The following ATXN7L3 variants were observed in gnomAD, a reference collection of about 807,000 sequenced individuals.
ATXN7L3 encodes the protein ataxin 7 like 3.
In ATXN7L3, 6 loss-of-function variants were observed where a neutral mutation model predicts 50.0. The observed-to-expected ratio is 0.12, with a 90% CI of 0.07 to 0.24. ATXN7L3 has a LOEUF of 0.24. Ranked by LOEUF, ATXN7L3 falls within the 10% of genes least tolerant of loss-of-function variation. The pLI, the probability that ATXN7L3 is intolerant of heterozygous loss-of-function variation, is 1.00. For missense variants in ATXN7L3, 322 were observed against 451.3 expected (o/e 0.71, Z 2.60); for synonymous variants, 198 against 165.8 (o/e 1.19, Z -1.49).
At chr17:44,194,734 C>G (rs779936033) in intron 11 of ATXN7L3, 34 bp downstream of exon 11, 1 of 1,613,796 alleles carries the variant, frequency 6.2e-7, no homozygotes, top group East Asian at 2.2e-5. Flanking sequence ...CCTAACTGGT[C>G]ACAACCCCCC....
intron 6 of ATXN7L3, 133 bp downstream of exon 6, chr17:44,196,263 C>T (rs1337762752): frequency 7.8e-5 from 90 of 1,156,956 alleles, no homozygotes; most frequent in Non-Finnish European, 1.1e-4. Flanking sequence ...TCCCCCGCCC[C>T]GGACCCACCA....
In ATXN7L3 at chr17:44,194,054, G is replaced by A; in HGVS notation, c.*209C>T. ...TATGTCCAAGGCATAATATGTCCAG[G>A]TCTGAGTCCTGCACGCCGAGGAGTC... On this transcript the variant is annotated 3_prime_UTR_variant, in exon 13 of 13. Transcript: ENST00000587097. 1 of 624,566 alleles carries A rather than the reference G, an allele frequency of 1.6e-6. No individual in the cohort carries two copies. The highest frequency in any genetic ancestry group is 2.0e-5 in the South Asian group (1 of 49,766). The allele number at this position is 624,566 out of a possible 1,614,324, so 38.7% of individuals were successfully genotyped here. A position where few individuals can be genotyped will look rare whatever the true frequency, so the allele number is the denominator to read the frequency against.
At chr17:44,197,074 G>T in intron 4 of ATXN7L3, 48 bp from the exon 5 acceptor site, 1 of 1,569,964 alleles carries the variant, frequency 6.4e-7, no homozygotes, top group Admixed American at 1.7e-5. Context: ...GGAAGAGAAA[G>T]GGGTCAAGGT....
intron 9 of ATXN7L3, 85 bp from the exon 10 acceptor site, chr17:44,195,225 A>G (rs1477255319): frequency 1.4e-5 from 21 of 1,490,610 alleles, no homozygotes; most frequent in Non-Finnish European, 1.9e-5. Flanking sequence ...AATGCTAGAT[A>G]GCACAAGCAG....
chr17:44,196,222 G>GCCCAGCCCC, intron 6 of ATXN7L3, 143 bp from the exon 7 acceptor site: 2 of 925,714 alleles, frequency 2.2e-6, no homozygotes, highest in Non-Finnish European at 3.3e-6. Context: ...CTACCCATGT[G>GCCCAGCCCC]CCCTCCCCCA....
chr17:44,193,187 A>C lies in ATXN7L3; in HGVS notation c.*1076T>G, dbSNP rs2055757819. Reference sequence around the variant, plus strand: ...AGATTAGGATTTTCCTCAGAGCCCCAAACCACAAGTACAGAATAAATAACT... The same window carrying C: ...AGATTAGGATTTTCCTCAGAGCCCCCAACCACAAGTACAGAATAAATAACT... On this transcript the variant is annotated 3_prime_UTR_variant, in exon 13 of 13. Transcript: ENST00000587097. The C allele has an allele frequency of 6.6e-6, 1 of 152,272 alleles. No homozygotes were observed. The highest frequency in any genetic ancestry group is 1.5e-5 in the Non-Finnish European group (1 of 68,074). The allele number at this position is 152,272 out of a possible 1,614,324, so 9.4% of individuals were successfully genotyped here. A position where few individuals can be genotyped will look rare whatever the true frequency, so the allele number is the denominator to read the frequency against.
At chr17:44,198,259 C>A in intron 1 of ATXN7L3, 129 bp from the exon 2 acceptor site, 1 of 595,134 alleles carries the variant, frequency 1.7e-6, no homozygotes. Flanking sequence ...AAGGCCCAGG[C>A]TCCCTAAGTC....
intron 10 of ATXN7L3, 91 bp downstream of exon 10, chr17:44,195,006 C>A: frequency 6.6e-7 from 1 of 1,515,948 alleles, no homozygotes; most frequent in Non-Finnish European, 9.1e-7. Flanking sequence ...AGGGCAGGAG[C>A]CCCATTGCTC....
Position 44,194,626 on chromosome 17 carries a change from C to T in ATXN7L3, c.786G>A (p.Met262Ile), listed in dbSNP as rs2055816528. 2 of 1,613,960 alleles carry T rather than the reference C, an allele frequency of 1.2e-6. No individual in the cohort carries two copies. Among genetic ancestry groups the T allele is most frequent in the Non-Finnish European group, 1.7e-6 (2 of 1,180,018 alleles). The change falls in exon 12 of 13, where the codon ATG becomes ATA. Residue 262 changes from methionine to isoleucine, a missense_variant. By Grantham distance (10) the Met-to-Ile change is conservative (BLOSUM62 1). This residue lies in a region of ATXN7L3 where 122 missense variants were observed against 130.8 expected (regional missense o/e 0.93). Coordinates refer to ENST00000587097, the MANE Select transcript of ATXN7L3 (RefSeq NM_001382309.1). ...GGCTGATCAGGGCCTGGCTGTCAGTCATGTCAAAGCTGTCATTATCCAGGG... is the reference window on the plus strand; with the variant it reads ...GGCTGATCAGGGCCTGGCTGTCAGTTATGTCAAAGCTGTCATTATCCAGGG... ...ESSLDNDSFD[M>I]TDSQALISRL... is the part of the protein sequence containing the mutation.
Position 44,194,677 on chromosome 17 carries a change from G to A in ATXN7L3, c.738-3C>T, listed in dbSNP as rs115905790. 2.4e-3 allele frequency: 3,895 copies of A among 1,613,996 alleles called. 21 individuals carry two copies. Among genetic ancestry groups the A allele is most frequent in the African/African-American group, 0.012 (929 of 75,032 alleles). On this transcript the variant is annotated splice_region_variant and splice_polypyrimidine_tract_variant and intron_variant, in intron 11 of 12. Coordinates refer to ENST00000587097, the MANE Select transcript of ATXN7L3 (RefSeq NM_001382309.1). ...AGCTCTCGACCTCTGGAAGGACACT[G>A]GAAAGGGGATGAGCCAAAGAAGGGC...
chr17:44,194,486 A>G, intron 12 of ATXN7L3, 31 bp downstream of exon 12: 1 of 1,613,106 alleles, frequency 6.2e-7, no homozygotes, highest in South Asian at 1.1e-5. Context: ...CTTTGGGCAC[A>G]GAGCCCCTAG....
chr17:44,194,302 C>G lies in ATXN7L3; in HGVS notation c.1005G>C (p.Pro335=). 1 of 1,614,212 alleles carries G rather than the reference C, an allele frequency of 6.2e-7. No homozygotes were observed. The highest frequency in any genetic ancestry group is 8.5e-7 in the Non-Finnish European group (1 of 1,180,032). Residue 335 remains proline, a synonymous_variant, in exon 13 of 13, where the codon CCG becomes CCC. Transcript: ENST00000587097. ...GSNKKKKPKP[P]APPTPSIYDD... is the part of the protein sequence containing the mutation. The stretch of plus-strand genomic sequence containing the variant: ...CATAGATGCTGGGCGTCGGGGGTGC[C>G]GGTGGCTTTGGCTTCTTCTTCTTGT...
Position 44,197,680 on chromosome 17 carries a change from T to C in ATXN7L3, c.102A>G (p.Gly34=). The change falls in exon 3 of 13, where the codon GGA becomes GGG. Residue 34 remains glycine, a synonymous_variant. Coordinates refer to ENST00000587097, the MANE Select transcript of ATXN7L3 (RefSeq NM_001382309.1). ...YADLVEDSCL[G]FCFEVHRAVK... ...CAGCCCGGTGTACCTCAAAGCAGAA[T>C]CCCAAACAAGAATCCTCGACCAGGT... 6.2e-7 allele frequency: 1 copy of C among 1,614,176 alleles called. No homozygotes were observed. The highest frequency in any genetic ancestry group is 8.5e-7 in the Non-Finnish European group (1 of 1,180,030).
chr17:44,197,215 C>G lies in ATXN7L3; in HGVS notation c.356+13G>C, dbSNP rs1481830230. On this transcript the variant is annotated intron_variant, in intron 4 of 12. Coordinates refer to ENST00000587097, the MANE Select transcript of ATXN7L3 (RefSeq NM_001382309.1). Reference sequence around the variant, plus strand: ...CACAGGCTGCAGAGAACGGGCAGCTCTGGTTCCCTCACCGGCGGTTGGCGA... The same window carrying G: ...CACAGGCTGCAGAGAACGGGCAGCTGTGGTTCCCTCACCGGCGGTTGGCGA... 5.0e-6 allele frequency: 8 copies of G among 1,585,368 alleles called. No homozygotes were observed. Among genetic ancestry groups the G allele is most frequent in the Non-Finnish European group, 6.9e-6 (8 of 1,163,322 alleles).
In ATXN7L3 at chr17:44,196,124, G is replaced by C. The variant is rs771011555; in HGVS notation, c.478-45C>G. 3.2e-5 allele frequency: 51 copies of C among 1,586,734 alleles called. No homozygotes were observed. The Admixed American group carries it at 7.9e-4, about 25-fold the overall frequency. ...AGCTTTGGGGAAAGGGTAACGAAAAGGGGGAGCCGAGAACCCAGGGAAGGA... is the reference window on the plus strand; with the variant it reads ...AGCTTTGGGGAAAGGGTAACGAAAACGGGGAGCCGAGAACCCAGGGAAGGA... On this transcript the variant is annotated intron_variant, in intron 6 of 12. Coordinates refer to ENST00000587097, the MANE Select transcript of ATXN7L3 (RefSeq NM_001382309.1).
chr17:44,192,095 G>C lies in ATXN7L3; in HGVS notation c.*2168C>G, dbSNP rs979941415. ...CACACACACTCAGACACAGGATACA[G>C]GGTGGACGACACCTAGCCGGGGTGG... On this transcript the variant is annotated 3_prime_UTR_variant, in exon 13 of 13. Coordinates refer to ENST00000587097, the MANE Select transcript of ATXN7L3 (RefSeq NM_001382309.1). 1.3e-5 allele frequency: 2 copies of C among 152,598 alleles called. No homozygotes were observed. The highest frequency in any genetic ancestry group is 2.1e-4 in the South Asian group (1 of 4,838). The allele number at this position is 152,598 out of a possible 1,614,324, so 9.5% of individuals were successfully genotyped here.
chr17:44,195,634 TC>T, intron 8 of ATXN7L3, 147 bp from the exon 9 acceptor site: 1 of 1,189,756 alleles, frequency 8.4e-7, no homozygotes, highest in East Asian at 2.5e-5. Flanking sequence ...TCTCATCCCA[TC>T]TGCCAATGGA....
rs2056080488 is a variant in ATXN7L3 at position 44,199,826 on chromosome 17, C to A, written c.-391G>T. 6.8e-6 allele frequency: 1 copy of A among 147,908 alleles called. No individual in the cohort carries two copies. The highest frequency in any genetic ancestry group is 2.1e-4 in the South Asian group (1 of 4,762). 9.2% of individuals were successfully genotyped at this position (147,908 alleles called of 1,614,324 possible). On this transcript the variant is annotated 5_prime_UTR_variant, in exon 1 of 13. Coordinates refer to ENST00000587097, the MANE Select transcript of ATXN7L3 (RefSeq NM_001382309.1). ...TCCCGGGCGGGGGGTGCGGCGCGAG[C>A]CCGGAGCGCGCGCGCGTGTGCCGCG...
Position 44,194,044 on chromosome 17 carries a change from A to G in ATXN7L3, c.*219T>C, listed in dbSNP as rs2144462309. 7 of 583,240 alleles carry G rather than the reference A, an allele frequency of 1.2e-5. No homozygotes were observed. The highest frequency in any genetic ancestry group is 2.3e-5 in the South Asian group (1 of 44,238). 36.1% of individuals were successfully genotyped at this position (583,240 alleles called of 1,614,324 possible). ...CCACCAAACTTATGTCCAAGGCATA[A>G]TATGTCCAGGTCTGAGTCCTGCACG... is the stretch of plus-strand genomic sequence containing the variant. On this transcript the variant is annotated 3_prime_UTR_variant, in exon 13 of 13. Coordinates refer to ENST00000587097, the MANE Select transcript of ATXN7L3 (RefSeq NM_001382309.1).
Sources: gnomAD v4.1 joint callset for allele counts on GRCh38, gnomAD v4.1.1 for gene constraint, gnomAD v4.1.1 regional missense constraint, MANE v1.5 for transcripts, NCBI Gene and HGNC (gene_info 2026-07-23, HGNC 2026-07-21) for gene names.